LCTL: variants seen among roughly 807,000 people sequenced by gnomAD.
The protein encoded by LCTL is lactase like.
Under a neutral mutation model 75.8 loss-of-function variants are expected in LCTL, and 76 were observed. The observed-to-expected ratio is 1.00, with a 90% CI of 0.83 to 1.21. The LOEUF (loss-of-function observed/expected upper bound fraction) is 1.21. Ranked by LOEUF, LCTL falls within the 50% of genes most tolerant of loss-of-function variation. The pLI is 0.00. For missense variants in LCTL, 670 were observed against 712.4 expected (o/e 0.94, Z 0.68); for synonymous variants, 271 against 268.8 (o/e 1.01, Z -0.08).
upstream of LCTL, chr15:66,565,595 CCCTACCTTGGCT>C: frequency 2.0e-6 from 1 of 507,404 alleles, no homozygotes; most frequent in East Asian, 3.6e-5. Flanking sequence ...TATCCCTTCT[CCCTACCTTGGCT>C]CCTGTCTGAT....
chr15:66,552,208 T>A, intron 9 of LCTL, 39 bp from the exon 11 acceptor site: 1 of 1,584,336 alleles, frequency 6.3e-7, no homozygotes. Context: ...TTAAAAATTC[T>A]GACCTACAGG....
Position 66,552,667 on chromosome 15 carries a change from C to CAAAA in LCTL, c.1197+313_1197+316dup, listed in dbSNP as rs752480803. On this transcript the variant is annotated intron_variant, in intron 9 of 12. Coordinates refer to ENST00000341509, the Ensembl canonical transcript of LCTL. ...CCTGGGTGACAGAGTGAGACTGTCT[C>CAAAA]AAAAAAAAAAAAAAAAAAAAAACAT... is the stretch of plus-strand genomic sequence containing the variant. 4.5e-3 allele frequency among the ~76,000 whole-genome samples: 238 copies of CAAAA among 53,054 alleles called. 6 individuals are homozygous for CAAAA. The highest frequency in any genetic ancestry group is 0.012 in the African/African-American group (224 of 18,768). The allele number at this position is 53,054 out of a possible 152,430, so 34.8% of individuals were successfully genotyped here.
At chr15:66,552,769 T>C (rs1156728570) in intron 9 of LCTL, among the ~76,000 whole-genome samples, 1 of 151,624 alleles carries the variant, frequency 6.6e-6, no homozygotes, top group Admixed American at 6.6e-5. Flanking sequence ...GCAAAATAAA[T>C]GTGGGATATG....
chr15:66,563,923 T>C (rs1241385986), exon 3 of LCTL: 2 of 1,613,856 alleles, frequency 1.2e-6, no homozygotes, highest in Non-Finnish European at 1.7e-6. Context: ...CGGATGCCTG[T>C]GGGCAGGAGC....
At chr15:66,552,852 A>C in intron 9 of LCTL, 132 bp downstream of exon 10, 1 of 751,146 alleles carries the variant, frequency 1.3e-6, no homozygotes, top group Non-Finnish European at 2.0e-6. Context: ...GCCTACATTT[A>C]GTAGCCTCTG....
rs115163164 is a variant in LCTL, at chr15:66,564,712, C to T, written c.246G>A (p.Thr82=). 2.8e-3 allele frequency: 4,471 copies of T among 1,613,570 alleles called. 77 individuals carry two copies. The African/African-American group carries it at 0.043, about 15-fold the overall frequency. Residue 82 remains threonine (T), a synonymous_variant, in exon 2 of 13, where the codon ACG becomes ACA. Transcript: ENST00000341509. ...AGTAGCCGTCACAGGCTACATCTGCCGTCTCATTCCCAAGCACTTTCCCCT... is the reference window on the plus strand; with the variant it reads ...AGTAGCCGTCACAGGCTACATCTGCTGTCTCATTCCCAAGCACTTTCCCCT...
exon 13 of LCTL, chr15:66,548,333 C>T: frequency 1.0e-4 from 41 of 399,140 alleles, no homozygotes; most frequent in South Asian, 4.3e-4. Flanking sequence ...TTTTTATTTT[C>T]TAATTCTTAA....
At chr15:66,564,448 ACTTTC>A in intron 2 of LCTL, 1 of 536,120 alleles carries the variant, frequency 1.9e-6, no homozygotes, top group South Asian at 2.4e-5. Flanking sequence ...GTGAGGCCCC[ACTTTC>A]CTTTCCTCCT....
Position 66,563,583 on chromosome 15 carries a change from AG to A in LCTL, c.412del (p.Ile139SerfsTer5). On this transcript the variant is annotated frameshift_variant, in exon 4 of 13. Coordinates refer to ENST00000341509, the Ensembl canonical transcript of LCTL. LOFTEE classifies it high-confidence loss of function. ...GTTGCTGCTCAGAAGGGCATCGATA[AG>A]ATCACTGTAGAATTCGATTCCCTTC... 2 of 1,612,592 alleles carry A rather than the reference AG, an allele frequency of 1.2e-6. No individual in the cohort carries two copies. The highest frequency in any genetic ancestry group is 2.0e-4 in the Middle Eastern group (1 of 5,036).
intron 9 of LCTL, 77 bp downstream of exon 10, chr15:66,552,907 G>A: frequency 7.9e-7 from 1 of 1,268,238 alleles, no homozygotes. Context: ...ACTTTCTAAT[G>A]TAGGCACCTG....
intron 8 of LCTL, among the ~76,000 whole-genome samples, chr15:66,554,711 G>A (rs1269967975): frequency 1.3e-5 from 2 of 152,290 alleles, no homozygotes; most frequent in East Asian, 3.9e-4. Flanking sequence ...GTCTGGTTAT[G>A]TAAATGAAAC....
chr15:66,549,429 A>G (rs1251699371), intron 12 of LCTL: 2 of 152,240 alleles, frequency 1.3e-5, no homozygotes, highest in Non-Finnish European at 2.9e-5. Flanking sequence ...TAAAAAGGAA[A>G]GCATATTTCT....
chr15:66,564,250 G>A (rs1044346373), intron 2 of LCTL: 1 of 550,972 alleles, frequency 1.8e-6, no homozygotes, highest in Admixed American at 3.2e-5. Flanking sequence ...AGTAAACCTG[G>A]GTGATGAGTT....
intron 1 of LCTL, 34 bp from the exon 3 acceptor site, chr15:66,564,873 C>G (rs766954350): frequency 1.3e-6 from 2 of 1,593,692 alleles, no homozygotes; most frequent in East Asian, 4.5e-5. Context: ...GTCCCAGGTG[C>G]TCCCATGTGT....
At chr15:66,551,295 C>G (rs1238613881) in intron 11 of LCTL, among the ~76,000 whole-genome samples, 1 of 134,438 alleles carries the variant, frequency 7.4e-6, no homozygotes, top group East Asian at 2.2e-4. Context: ...TGCAGTGAGC[C>G]GAGATCGCAC....
intron 11 of LCTL, 66 bp downstream of exon 12, chr15:66,551,596 T>A (rs1400141660): frequency 3.0e-6 from 4 of 1,317,978 alleles, no homozygotes; most frequent in Non-Finnish European, 4.3e-6. Context: ...GCCAAGTTCT[T>A]TGTGTGTTCC....
intron 9 of LCTL, 133 bp from the exon 11 acceptor site, chr15:66,552,302 A>T: frequency 3.1e-6 from 2 of 646,876 alleles, no homozygotes; most frequent in South Asian, 4.2e-5. Context: ...CATTTAGTAG[A>T]TGTCAGATAA....
chr15:66,559,067 T>C (rs1403182287), intron 6 of LCTL, among the ~76,000 whole-genome samples: 1 of 151,850 alleles, frequency 6.6e-6, no homozygotes, highest in Non-Finnish European at 1.5e-5. Flanking sequence ...TCTTGCTTGT[T>C]GTCTAGGCTG....
intron 6 of LCTL, among the ~76,000 whole-genome samples, chr15:66,559,029 T>G (rs1425064422): frequency 6.6e-6 from 1 of 151,866 alleles, no homozygotes; most frequent in Non-Finnish European, 1.5e-5. Flanking sequence ...TGTTTTTTGT[T>G]TTTTGTTTTT....
Sources: allele counts gnomAD v4.1 joint callset (sites outside exome capture counted in the v4.1 genomes callset), GRCh38; gene constraint gnomAD v4.1.1; transcripts MANE v1.5; gene names NCBI Gene and HGNC (gene_info 2026-07-23, HGNC 2026-07-21).